Variants in MTHFD2 observed in about 807,000 individuals in gnomAD.
MTHFD2 encodes the protein methylenetetrahydrofolate dehydrogenase (NADP+ dependent) 2, methenyltetrahydrofolate cyclohydrolase, also known as bifunctional methylenetetrahydrofolate dehydrogenase/cyclohydrolase, mitochondrial.
MTHFD2 carries 26 observed loss-of-function variants against 36.8 expected under a neutral mutation model. That is an observed-to-expected ratio of 0.71 (90% CI 0.52 to 0.98). MTHFD2 has a LOEUF of 0.98. Among genes scored for constraint, MTHFD2 ranks in the 50% least tolerant of loss-of-function variants. MTHFD2 has a pLI of 0.00. For missense variants in MTHFD2, 373 were observed against 434.0 expected, an observed-to-expected ratio of 0.86 and a Z score of 1.25; for synonymous variants, 164 against 155.2, an observed-to-expected ratio of 1.06 and a Z score of -0.42.
intron 2 of MTHFD2, among the ~76,000 whole-genome samples, chr2:74,207,205 T>C (rs1447254572): frequency 6.7e-6 from 1 of 150,208 alleles, no homozygotes; most frequent in Non-Finnish European, 1.5e-5. Context: ...CTCAGCTCAC[T>C]GCAACCCCCG....
In MTHFD2 at chr2:74,217,403, A is replaced by G. The variant is rs1478170127; in HGVS notation, c.*3161A>G. 2 of 152,204 alleles carry G rather than the reference A, an allele frequency of 1.3e-5. No individual in the cohort carries two copies. The highest frequency in any genetic ancestry group is 3.8e-4 in the East Asian group (2 of 5,196). The allele number at this position is 152,204 out of a possible 1,614,324, so 9.4% of individuals were successfully genotyped here. A position where few individuals can be genotyped will look rare whatever the true frequency, so the allele number is the denominator to read the frequency against. On this transcript the variant is annotated 3_prime_UTR_variant, in exon 8 of 8. Transcript: ENST00000394053. The stretch of plus-strand genomic sequence containing the variant: ...GTTTGCTTCATTGAAACTGGTTTTT[A>G]TCTTCCCAAATAGTTTTCAATCATT...
intron 1 of MTHFD2, among the ~76,000 whole-genome samples, chr2:74,203,906 GTTAGT>G (rs1553448380): frequency 0.068 from 1,993 of 29,368 alleles, 46 homozygotes; most frequent in Middle Eastern, 0.096. Context: ...GTTTAGTTTA[GTTAGT>G]TTAGTTTAGT....
chr2:74,206,833 C>G (rs1055098165), intron 2 of MTHFD2, among the ~76,000 whole-genome samples: 3 of 152,114 alleles, frequency 2.0e-5, no homozygotes, highest in Admixed American at 2.0e-4. Flanking sequence ...CTCAGCCTAC[C>G]GAGTAGCTGG....
At chr2:74,210,212 C>G (rs1694274262) in intron 5 of MTHFD2, among the ~76,000 whole-genome samples, 163 bp downstream of exon 5, 1 of 152,200 alleles carries the variant, frequency 6.6e-6, no homozygotes, top group East Asian at 1.9e-4. Context: ...AGAAGCTGCA[C>G]CCAGTGTCAC....
Position 74,214,390 on chromosome 2 carries a change from TTCTGCACATACC to T in MTHFD2, c.*155_*166del. ...ATTGAAAGCTTAAATGGGTGGGTGTTTCTGCACATACCTCTGCAGTACCTCACCAGGGAGCAT... is the reference window on the plus strand; with the variant it reads ...ATTGAAAGCTTAAATGGGTGGGTGTTTCTGCAGTACCTCACCAGGGAGCAT... On this transcript the variant is annotated 3_prime_UTR_variant, in exon 8 of 8. Coordinates refer to ENST00000394053, the MANE Select transcript of MTHFD2 (RefSeq NM_006636.4). The T allele has an allele frequency of 1.2e-6, 1 of 827,378 alleles. No homozygotes were observed. The highest frequency in any genetic ancestry group is 1.8e-6 in the Non-Finnish European group (1 of 552,284). The allele number at this position is 827,378 out of a possible 1,614,324, so 51.3% of individuals were successfully genotyped here.
In MTHFD2 at chr2:74,216,296, T is replaced by G. The variant is rs1694442821; in HGVS notation, c.*2054T>G. On this transcript the variant is annotated 3_prime_UTR_variant, in exon 8 of 8. Transcript: ENST00000394053. ...TACAGTTACAAGTGGAAAAAATGAC[T>G]GACTTACTGCATGGAGAAGTATTAT... 6.6e-6 allele frequency: 1 copy of G among 152,234 alleles called. No homozygotes were observed. Among genetic ancestry groups the G allele is most frequent in the Non-Finnish European group, 1.5e-5 (1 of 68,032 alleles). The allele number at this position is 152,234 out of a possible 1,614,324, so 9.4% of individuals were successfully genotyped here. A position where few individuals can be genotyped will look rare whatever the true frequency, so the allele number is the denominator to read the frequency against.
In MTHFD2 at chr2:74,203,849, T is replaced by TTTAGTTTAGTTG. The variant is rs1491289254; in HGVS notation, c.102-1856_102-1855insTTAGTTTAGTTG. On this transcript the variant is annotated intron_variant, in intron 1 of 7. Transcript: ENST00000394053. ...TTAAGGAAGAGATGCTCATCTAGTT[T>TTTAGTTTAGTTG]AGTTTAGTTTAGTTTAGTTTAGTTT... Among the ~76,000 whole-genome samples the TTTAGTTTAGTTG allele has an allele frequency of 1.9e-4, 6 of 30,966 alleles. No individual in the cohort carries two copies. The South Asian group carries it at 4.7e-3, about 24-fold the overall frequency. The allele number at this position is 30,966 out of a possible 152,430, so 20.3% of individuals were successfully genotyped here.
In MTHFD2 at chr2:74,209,928, A is replaced by T. The variant is rs377757237; in HGVS notation, c.563-14A>T. The T allele has an allele frequency of 6.2e-7, 1 of 1,605,130 alleles. No homozygotes were observed. Among genetic ancestry groups the T allele is most frequent in the Non-Finnish European group, 8.5e-7 (1 of 1,175,462 alleles). On this transcript the variant is annotated splice_polypyrimidine_tract_variant and intron_variant, in intron 4 of 7. Transcript: ENST00000394053. ...CTGGCACTACTTTTAATGTCAATAC[A>T]TATATTTTTATAGGCATTCCAACCC...
rs181142530 is a variant in MTHFD2, at chr2:74,200,200, C to T, written c.101+1458C>T. ...GTTACTGTGTGTTTTCTCCCCTTCTCCCTCTTCCTGAGTGCTGGCCTCATG... is the reference window on the plus strand; with the variant it reads ...GTTACTGTGTGTTTTCTCCCCTTCTTCCTCTTCCTGAGTGCTGGCCTCATG... On this transcript the variant is annotated intron_variant, in intron 1 of 7. Transcript: ENST00000394053. Among the ~76,000 whole-genome samples the T allele has an allele frequency of 3.0e-3, 455 of 152,156 alleles. 4 individuals carry two copies. Among genetic ancestry groups the T allele is most frequent in the African/African-American group, 0.01 (431 of 41,546 alleles).
At chr2:74,211,130 G>A (rs1439429003) in intron 5 of MTHFD2, 69 bp from the exon 6 acceptor site, 5 of 978,446 alleles carry the variant, frequency 5.1e-6, no homozygotes, top group Non-Finnish European at 3.3e-6. Flanking sequence ...ACAATGACTT[G>A]ACTAGTTGAG....
chr2:74,214,093 G>C lies in MTHFD2; in HGVS notation c.904G>C (p.Ala302Pro). 6.2e-7 allele frequency: 1 copy of C among 1,613,712 alleles called. No homozygotes were observed. Among genetic ancestry groups the C allele is most frequent in the Non-Finnish European group, 8.5e-7 (1 of 1,179,772 alleles). Residue 302 changes from alanine (A) to proline (P), a missense_variant, in exon 8 of 8, where the codon GCT (alanine) becomes CCT (proline). By Grantham distance (27) the Ala-to-Pro change is conservative. This residue lies in a region of MTHFD2 where 308 missense variants were observed against 397.8 expected (regional missense o/e 0.77). Coordinates refer to ENST00000394053, the MANE Select transcript of MTHFD2 (RefSeq NM_006636.4). ...TTTCTATGTAGGAGTCAGACAAAAAGCTGGGTATATCACTCCAGTTCCTGG... is the reference window on the plus strand; with the variant it reads ...TTTCTATGTAGGAGTCAGACAAAAACCTGGGTATATCACTCCAGTTCCTGG... ...DVDFEGVRQK[A>P]GYITPVPGGV...
intron 4 of MTHFD2, among the ~76,000 whole-genome samples, 159 bp from the exon 5 acceptor site, chr2:74,209,780 TGTA>T (rs1484493929): frequency 6.6e-6 from 1 of 152,192 alleles, no homozygotes; most frequent in East Asian, 1.9e-4. Flanking sequence ...TTTTGTAGCC[TGTA>T]GTATGCTTTC....
Position 74,211,761 on chromosome 2 carries a change from G to A in MTHFD2, c.784G>A (p.Ala262Thr). The change falls in exon 7 of 8, where the codon GCA becomes ACA. Residue 262 changes from alanine (A) to threonine (T), a missense_variant. Ala to Thr is a moderately conservative substitution (Grantham distance 58, BLOSUM62 0). Around this residue, in one of 2 missense-constraint regions of MTHFD2, gnomAD observed 308 missense variants for 397.8 expected, o/e 0.77. Transcript: ENST00000394053. ...TCCAGGTATTCCAAATCTGATCACA[G>A]CAGATATGATCAAGGAAGGAGCAGC... is the stretch of plus-strand genomic sequence containing the variant. The part of the protein sequence containing the change: ...SAAGIPNLIT[A>T]DMIKEGAAVI... 6.2e-7 allele frequency: 1 copy of A among 1,611,082 alleles called. No homozygotes were observed. The highest frequency in any genetic ancestry group is 1.1e-5 in the South Asian group (1 of 90,864).
rs1387713613 is a variant in MTHFD2, at chr2:74,208,593, G to A, written c.434G>A (p.Cys145Tyr). 1 of 1,614,052 alleles carries A rather than the reference G, an allele frequency of 6.2e-7. No homozygotes were observed. Among genetic ancestry groups the A allele is most frequent in the African/African-American group, 1.3e-5 (1 of 74,920 alleles). The change falls in exon 4 of 8, where the codon TGC (cysteine) becomes TAC (tyrosine). Residue 145 changes from cysteine to tyrosine, a missense_variant. By Grantham distance (194) the Cys-to-Tyr change is radical (BLOSUM62 -2). This residue lies in a region of MTHFD2 where 308 missense variants were observed against 397.8 expected (regional missense o/e 0.77). Coordinates refer to ENST00000394053, the MANE Select transcript of MTHFD2 (RefSeq NM_006636.4). ...LPEHIDERRICNAVSPDKDVD... is the reference protein window; with the variant it reads ...LPEHIDERRIYNAVSPDKDVD... Reference sequence around the variant, plus strand: ...GAGCATATTGATGAGAGAAGGATCTGCAATGCTGTTTCTCCAGACAAGGAT... The same window carrying A: ...GAGCATATTGATGAGAGAAGGATCTACAATGCTGTTTCTCCAGACAAGGAT...
chr2:74,210,681 C>G (rs1290785421), intron 5 of MTHFD2, among the ~76,000 whole-genome samples: 1 of 151,746 alleles, frequency 6.6e-6, no homozygotes, highest in African/African-American at 2.4e-5. Flanking sequence ...TCAAAACAGT[C>G]GAGCTGGGAC....
intron 3 of MTHFD2, among the ~76,000 whole-genome samples, 187 bp from the exon 4 acceptor site, chr2:74,208,376 AGCTGTG>A: frequency 6.6e-6 from 1 of 152,344 alleles, no homozygotes; most frequent in South Asian, 2.1e-4. Context: ...GGAGGGAAGC[AGCTGTG>A]ATAGACGATA....
intron 7 of MTHFD2, among the ~76,000 whole-genome samples, chr2:74,212,265 T>C (rs1309740205): frequency 2.0e-5 from 1 of 51,178 alleles, no homozygotes; most frequent in African/African-American, 5.8e-5. Flanking sequence ...TTCTTTCTCT[T>C]TTTTTTTTTT....
intron 7 of MTHFD2, among the ~76,000 whole-genome samples, chr2:74,212,234 C>G (rs1159675095): frequency 7.2e-6 from 1 of 139,166 alleles, no homozygotes; most frequent in Non-Finnish European, 1.5e-5. Context: ...CTCCTCTCCC[C>G]CCACCCCTTT....
chr2:74,202,255 T>TATAC (rs1396335049), intron 1 of MTHFD2, among the ~76,000 whole-genome samples: 1 of 152,154 alleles, frequency 6.6e-6, no homozygotes, highest in Non-Finnish European at 1.5e-5. Flanking sequence ...TGTGTGTATA[T>TATAC]ATACATATAT....
Sources: gnomAD v4.1 joint callset for allele counts (sites outside exome capture counted in the v4.1 genomes callset) on GRCh38, gnomAD v4.1.1 for gene constraint, gnomAD v4.1.1 regional missense constraint, MANE v1.5 for transcripts, NCBI Gene and HGNC (gene_info 2026-07-23, HGNC 2026-07-21) for gene names.